FOXP4: variants seen among roughly 807,000 people sequenced by gnomAD.
FOXP4 encodes forkhead box P4.
FOXP4 carries 25 observed loss-of-function variants against 82.6 expected under a neutral mutation model. The ratio of observed to expected loss-of-function variants is 0.30; its 90% confidence interval spans 0.22 to 0.42. FOXP4 has a LOEUF of 0.42. Ranked by LOEUF, FOXP4 falls within the 10% of genes least tolerant of loss-of-function variation. FOXP4 has a pLI of 1.00. For missense variants in FOXP4, 785 were observed against 900.9 expected, an observed-to-expected ratio of 0.87 and a Z score of 1.65; for synonymous variants, 415 against 388.2, an observed-to-expected ratio of 1.07 and a Z score of -0.81.
At chr6:41,570,274 T>C in intron 2 of FOXP4, 1 of 467,974 alleles carries the variant, frequency 2.1e-6, no homozygotes, top group South Asian at 1.6e-5. Context: ...GGAGGAGCCA[T>C]GGCATGGAGG....
intron 9 of FOXP4, 41 bp from the exon 10 acceptor site, chr6:41,589,730 T>C (rs764072631): frequency 6.3e-7 from 1 of 1,597,316 alleles, no homozygotes; most frequent in African/African-American, 1.3e-5. Context: ...GCCTCCAGGG[T>C]TCAGCCTCCC....
intron 3 of FOXP4, among the ~76,000 whole-genome samples, chr6:41,581,590 G>T (rs970841765): frequency 6.6e-6 from 1 of 152,230 alleles, no homozygotes; most frequent in African/African-American, 2.4e-5. Context: ...GGGCCAGCGG[G>T]ACACCAGAGG....
chr6:41,586,918 C>T (rs1766164685), intron 5 of FOXP4, 91 bp from the exon 6 acceptor site: 3 of 1,466,418 alleles, frequency 2.0e-6, no homozygotes, highest in South Asian at 1.4e-5. Flanking sequence ...CTGACAGGCC[C>T]TGGGAGGGGG....
At position 41,597,165 on chromosome 6, in the gene FOXP4, C is replaced by G; in HGVS notation, c.1659-11C>G. 6.2e-7 allele frequency: 1 copy of G among 1,614,124 alleles called. No homozygotes were observed. Among genetic ancestry groups the G allele is most frequent in the Non-Finnish European group, 8.5e-7 (1 of 1,179,958 alleles). ...ATGAGTGAGCCAAAGATGGCCTTCTCTGTCCTCCAGGAGCCCCACCCTGGT... is the reference window on the plus strand; with the variant it reads ...ATGAGTGAGCCAAAGATGGCCTTCTGTGTCCTCCAGGAGCCCCACCCTGGT... On this transcript the variant is annotated splice_polypyrimidine_tract_variant and intron_variant, in intron 14 of 16. Coordinates refer to ENST00000307972, the MANE Select transcript of FOXP4 (RefSeq NM_001012426.2).
intron 2 of FOXP4, among the ~76,000 whole-genome samples, chr6:41,572,923 T>C (rs1270419662): frequency 6.6e-6 from 1 of 152,162 alleles, no homozygotes; most frequent in African/African-American, 2.4e-5. Context: ...CATCTATCAG[T>C]GAACTAGAAA....
intron 7 of FOXP4, 91 bp downstream of exon 7, chr6:41,587,603 G>A: frequency 1.7e-6 from 2 of 1,174,368 alleles, no homozygotes; most frequent in Non-Finnish European, 2.4e-6. Flanking sequence ...GAGGGAGGGG[G>A]TGGAGCCCAC....
At chr6:41,586,913 AG>A (rs1445606709) in intron 5 of FOXP4, 95 bp from the exon 6 acceptor site, 2 of 1,456,048 alleles carry the variant, frequency 1.4e-6, no homozygotes, top group Non-Finnish European at 1.8e-6. Flanking sequence ...AGGGGCTGAC[AG>A]GCCCTGGGAG....
chr6:41,592,140 T>TTGGATCCC (rs1180447412), intron 13 of FOXP4, among the ~76,000 whole-genome samples: 1 of 152,050 alleles, frequency 6.6e-6, no homozygotes, highest in Admixed American at 6.6e-5. Flanking sequence ...AGAACCTTAA[T>TTGGATCCC]TGGATCCCTG....
intron 1 of FOXP4, among the ~76,000 whole-genome samples, chr6:41,547,777 A>ACCCCCCCCC (rs150273164): frequency 1.5e-5 from 2 of 133,332 alleles, no homozygotes; most frequent in African/African-American, 5.7e-5. Flanking sequence ...ACCGAGCAGG[A>ACCCCCCCCC]CCCCCCCCCG....
At position 41,555,808 on chromosome 6, in the gene FOXP4, T is replaced by C. The variant is rs151226504; in HGVS notation, c.-17+8941T>C. ...GCAATTAACAAGGGTGTTGTGGACA[T>C]GCTGTAGTTAAGCGGAGTAATCTAA... is the stretch of plus-strand genomic sequence containing the variant. On this transcript the variant is annotated intron_variant, in intron 1 of 16. Coordinates refer to ENST00000307972, the MANE Select transcript of FOXP4 (RefSeq NM_001012426.2). Among the ~76,000 whole-genome samples, 9 of 152,380 alleles carry C rather than the reference T, an allele frequency of 5.9e-5. No individual in the cohort carries two copies. The East Asian group carries it at 1.7e-3, about 29-fold the overall frequency.
chr6:41,551,692 G>A (rs13207588), intron 1 of FOXP4, among the ~76,000 whole-genome samples: 23,874 of 152,236 alleles, frequency 0.16, 2,365 homozygotes, highest in Non-Finnish European at 0.23. Flanking sequence ...GAGACCATCC[G>A]GCATTTGTTC....
rs1482754090 is a variant in FOXP4, at chr6:41,546,784, G to A, written c.-100G>A. On this transcript the variant is annotated 5_prime_UTR_variant, in exon 1 of 17. Transcript: ENST00000307972. ...AAGGGCAGCCCCGGCGGGCGGCGGCGGGCCCGGGCTGCGACCGGAGCGAGC... is the reference window on the plus strand; with the variant it reads ...AAGGGCAGCCCCGGCGGGCGGCGGCAGGCCCGGGCTGCGACCGGAGCGAGC... 6.8e-6 allele frequency: 1 copy of A among 147,314 alleles called. No homozygotes were observed. The highest frequency in any genetic ancestry group is 1.5e-5 in the Non-Finnish European group (1 of 66,258). The allele number at this position is 147,314 out of a possible 1,614,324, so 9.1% of individuals were successfully genotyped here.
rs1485626322 is a variant in FOXP4 at position 41,600,354 on chromosome 6, AAG to A, written c.*1421_*1422del. On this transcript the variant is annotated 3_prime_UTR_variant, in exon 17 of 17. Coordinates refer to ENST00000307972, the MANE Select transcript of FOXP4 (RefSeq NM_001012426.2). ...GTGCTGGGAGTGTGGATTCTAGCAA[AAG>A]AGCTGGAAAAAAGTCAGACTCTCCA... 1 of 152,656 alleles carries A rather than the reference AAG, an allele frequency of 6.6e-6. No individual in the cohort carries two copies. Among genetic ancestry groups the A allele is most frequent in the Non-Finnish European group, 1.5e-5 (1 of 68,208 alleles). The allele number at this position is 152,656 out of a possible 1,614,324, so 9.5% of individuals were successfully genotyped here.
At chr6:41,581,332 C>T (rs1765789086) in intron 3 of FOXP4, among the ~76,000 whole-genome samples, 2 of 152,238 alleles carry the variant, frequency 1.3e-5, no homozygotes, top group Admixed American at 1.3e-4. Context: ...AATAAGCTTC[C>T]TGTGTGTCAG....
At chr6:41,568,292 C>T (rs1332692384) in intron 2 of FOXP4, among the ~76,000 whole-genome samples, 1 of 152,172 alleles carries the variant, frequency 6.6e-6, no homozygotes, top group Non-Finnish European at 1.5e-5. Context: ...GTTGTTATCT[C>T]ACCATCCCTG....
intron 1 of FOXP4, among the ~76,000 whole-genome samples, chr6:41,551,457 C>G (rs950960874): frequency 1.3e-5 from 2 of 152,192 alleles, no homozygotes; most frequent in African/African-American, 4.8e-5. Context: ...CGCCTGTTCC[C>G]TGAATCCCAG....
intron 1 of FOXP4, among the ~76,000 whole-genome samples, chr6:41,553,319 C>T (rs1428468222): frequency 2.7e-5 from 4 of 149,920 alleles, no homozygotes; most frequent in Middle Eastern, 3.4e-3. Context: ...AATTGAATCT[C>T]GTTGGGAGAG....
At chr6:41,566,196 G>A (rs542199235) in intron 2 of FOXP4, among the ~76,000 whole-genome samples, 1 of 152,320 alleles carries the variant, frequency 6.6e-6, no homozygotes, top group East Asian at 1.9e-4. Context: ...GGAGGTCTGA[G>A]ATCATGAAGC....
rs1309958201 is a variant in FOXP4 at position 41,593,908 on chromosome 6, G to A, written c.1537-962G>A. Reference sequence around the variant, plus strand: ...AAATGTAAAGAGGAGACAAGGATGGGGACGAGGCGGGGGAGGCTAAGGGAG... The same window carrying A: ...AAATGTAAAGAGGAGACAAGGATGGAGACGAGGCGGGGGAGGCTAAGGGAG... On this transcript the variant is annotated intron_variant, in intron 13 of 16. Coordinates refer to ENST00000307972, the MANE Select transcript of FOXP4 (RefSeq NM_001012426.2). The surrounding 1 kb of genome is among the most constrained non-coding windows in gnomAD (Gnocchi z 4.1). Among the ~76,000 whole-genome samples the A allele has an allele frequency of 2.0e-5, 3 of 152,210 alleles. No homozygotes were observed.
Sources: gnomAD v4.1 joint callset for allele counts (sites outside exome capture counted in the v4.1 genomes callset) on GRCh38, gnomAD v4.1.1 for gene constraint, Gnocchi (gnomAD v3.1) non-coding constraint, MANE v1.5 for transcripts, NCBI Gene and HGNC (gene_info 2026-07-23, HGNC 2026-07-21) for gene names.